The following EYS variants were observed in gnomAD, a reference collection of about 807,000 sequenced individuals.
The protein encoded by EYS is protein eyes shut homolog.
EYS carries 250 observed loss-of-function variants against 282.1 expected under a neutral mutation model. That is an observed-to-expected ratio of 0.89 (90% CI 0.80 to 0.98). The LOEUF (loss-of-function observed/expected upper bound fraction) is 0.98, where lower values mean the gene tolerates loss of function less well. Ranked by LOEUF, EYS falls within the 50% of genes least tolerant of loss-of-function variation. The probability of loss-of-function intolerance (pLI) is 0.00; values close to 1 mark genes in which losing one functional copy is unlikely to be tolerated. For synonymous variants in EYS, 1,355 were observed against 1,282.9 expected, an observed-to-expected ratio of 1.06 and a Z score of -1.20; for missense variants, 4,016 against 3,709.0, an observed-to-expected ratio of 1.08 and a Z score of -2.15.
chr6:64,773,475 G>C (rs1478799270), intron 22 of EYS, among the ~76,000 whole-genome samples: 2 of 151,622 alleles, frequency 1.3e-5, no homozygotes, highest in African/African-American at 2.4e-5. Flanking sequence ...ACGATTTATA[G>C]TCTTTTGGAT....
chr6:65,152,532 C>T (rs1764637649), intron 12 of EYS, among the ~76,000 whole-genome samples: 1 of 151,780 alleles, frequency 6.6e-6, no homozygotes, highest in Non-Finnish European at 1.5e-5. Flanking sequence ...AAGAGGGTGA[C>T]CATCTGCAAT....
chr6:64,840,089 T>C (rs1758772357), intron 19 of EYS, among the ~76,000 whole-genome samples: 1 of 152,082 alleles, frequency 6.6e-6, no homozygotes, highest in African/African-American at 2.4e-5. Flanking sequence ...AACTCAAATA[T>C]GGAGTCAAAT....
chr6:64,386,871 C>A (rs2150423567), intron 29 of EYS, among the ~76,000 whole-genome samples: 1 of 152,128 alleles, frequency 6.6e-6, no homozygotes, highest in South Asian at 2.1e-4. Context: ...TAGTCCTAAC[C>A]CCTCCAGTTG....
chr6:65,293,139 A>G (rs1768572010), intron 12 of EYS, among the ~76,000 whole-genome samples: 1 of 151,670 alleles, frequency 6.6e-6, no homozygotes, highest in Admixed American at 6.6e-5. Context: ...GAAAAGTAAG[A>G]TGAGAAGATG....
chr6:64,654,270 TC>T (rs2149880889), intron 22 of EYS, among the ~76,000 whole-genome samples: 1 of 152,332 alleles, frequency 6.6e-6, no homozygotes, highest in Admixed American at 6.5e-5. Flanking sequence ...ATGATACCTC[TC>T]ACTTTTACAA....
At chr6:65,595,060 AGT>A (rs1765360662) in intron 2 of EYS, among the ~76,000 whole-genome samples, 2 of 152,044 alleles carry the variant, frequency 1.3e-5, no homozygotes, top group Non-Finnish European at 2.9e-5. Flanking sequence ...TGTTTTGGTT[AGT>A]GTAGCCTTGT....
chr6:64,466,580 T>C (rs1398835777), intron 26 of EYS, among the ~76,000 whole-genome samples: 3 of 152,094 alleles, frequency 2.0e-5, no homozygotes, highest in Non-Finnish European at 4.4e-5. Flanking sequence ...AGTAGAATGT[T>C]GGTTAGCAGG....
chr6:65,649,145 A>G (rs1767563215), intron 1 of EYS, among the ~76,000 whole-genome samples: 1 of 149,986 alleles, frequency 6.7e-6, no homozygotes, highest in African/African-American at 2.5e-5. Context: ...CTCAAAAAAA[A>G]AAAAAAAAAA....
At chr6:64,755,274 A>G (rs1583118010) in intron 22 of EYS, among the ~76,000 whole-genome samples, 1 of 152,118 alleles carries the variant, frequency 6.6e-6, no homozygotes, top group Non-Finnish European at 1.5e-5. Context: ...AGTACAAAAC[A>G]CTGATGAAAA....
chr6:64,809,778 A>T (rs1053206634), intron 22 of EYS, among the ~76,000 whole-genome samples: 42 of 151,858 alleles, frequency 2.8e-4, no homozygotes, highest in African/African-American at 9.7e-4. Flanking sequence ...CATTGAATAC[A>T]CATGATCATA....
intron 13 of EYS, among the ~76,000 whole-genome samples, chr6:65,035,528 TA>T (rs1238915729): frequency 6.6e-6 from 1 of 152,084 alleles, no homozygotes; most frequent in Non-Finnish European, 1.5e-5. Context: ...CTAGTATTTT[TA>T]TACACCAATG....
intron 31 of EYS, among the ~76,000 whole-genome samples, chr6:64,207,585 G>A (rs967004882): frequency 6.6e-6 from 1 of 152,136 alleles, no homozygotes; most frequent in Non-Finnish European, 1.5e-5. Flanking sequence ...AAAAAGATGT[G>A]AGAAGGTAAG....
At position 65,073,461 on chromosome 6, in the gene EYS, A is replaced by C. The variant is rs187423920; in HGVS notation, c.2024-15734T>G. ...CAACCAAAATAAGCAGCAGAGATCA[A>C]TATGAGAATAGGTAGTGTGCACTGT... On this transcript the variant is annotated intron_variant, in intron 12 of 42. Transcript: ENST00000503581. Among the ~76,000 whole-genome samples, 3 of 151,906 alleles carry C rather than the reference A, an allele frequency of 2.0e-5. No individual in the cohort carries two copies. In the East Asian group the frequency reaches 5.8e-4, roughly 30 times the overall value.
chr6:64,275,042 C>T (rs1357625968), intron 30 of EYS, among the ~76,000 whole-genome samples: 2 of 152,166 alleles, frequency 1.3e-5, no homozygotes, highest in African/African-American at 2.4e-5. Flanking sequence ...CACCTGGCAA[C>T]CTGGTCACAC....
At chr6:65,423,557 A>C (rs1767547496) in intron 5 of EYS, among the ~76,000 whole-genome samples, 1 of 151,900 alleles carries the variant, frequency 6.6e-6, no homozygotes, top group Admixed American at 6.6e-5. Context: ...GAGAATTTTT[A>C]TTGCCATGTT....
In EYS at chr6:64,977,661, G is replaced by A. The variant is rs370158716; in HGVS notation, c.2259+19921C>T. ...TTTGCACCAAATAGTAAGCCAAGCT[G>A]TGAATGAAAAAAAAAAAAAAAAACT... is the stretch of plus-strand genomic sequence containing the variant. On this transcript the variant is annotated intron_variant, in intron 14 of 42. Transcript: ENST00000503581. Among the ~76,000 whole-genome samples the A allele has an allele frequency of 2.0e-3, 246 of 124,784 alleles. 1 individual carries two copies. Among genetic ancestry groups the A allele is most frequent in the African/African-American group, 6.9e-3 (240 of 34,740 alleles). The allele number at this position is 124,784 out of a possible 152,430, so 81.9% of individuals were successfully genotyped here. A position where few individuals can be genotyped will look rare whatever the true frequency, so the allele number is the denominator to read the frequency against.
At chr6:64,684,018 A>G (rs995406708) in intron 22 of EYS, among the ~76,000 whole-genome samples, 2 of 152,202 alleles carry the variant, frequency 1.3e-5, no homozygotes, top group Non-Finnish European at 2.9e-5. Context: ...TCTTTGTTCA[A>G]TAAACCTGTG....
At chr6:64,042,435 G>A (rs1354386170) in intron 33 of EYS, among the ~76,000 whole-genome samples, 3 of 152,098 alleles carry the variant, frequency 2.0e-5, no homozygotes, top group African/African-American at 7.3e-5. Context: ...TTGACTTTGG[G>A]GTTACTTTTC....
intron 2 of EYS, among the ~76,000 whole-genome samples, chr6:65,582,669 T>C (rs746904176): frequency 2.0e-5 from 3 of 152,080 alleles, no homozygotes; most frequent in Non-Finnish European, 4.4e-5. Flanking sequence ...CCACACACCA[T>C]CATGATTCTA....
Sources: allele counts gnomAD v4.1 joint callset (sites outside exome capture counted in the v4.1 genomes callset), GRCh38; gene constraint gnomAD v4.1.1; transcripts MANE v1.5; gene names NCBI Gene and HGNC (gene_info 2026-07-23, HGNC 2026-07-21).